SUPT3H: variants seen among roughly 807,000 people sequenced by gnomAD.
SUPT3H encodes transcription initiation protein SPT3 homolog.
A neutral mutation model predicts 44.3 loss-of-function variants in SUPT3H; 44 were observed. The ratio of observed to expected loss-of-function variants is 0.99; its 90% CI spans 0.78 to 1.28. The LOEUF (loss-of-function observed/expected upper bound fraction) is 1.28. Ranked by LOEUF, SUPT3H falls within the 50% of genes most tolerant of loss-of-function variation. The pLI is 0.00. For missense variants in SUPT3H, 380 were observed against 387.1 expected, an observed-to-expected ratio of 0.98 and a Z score of 0.15; for synonymous variants, 124 against 125.6, an observed-to-expected ratio of 0.99 and a Z score of 0.09.
At chr6:45,035,917 G>A (rs1447678929) in intron 3 of SUPT3H, among the ~76,000 whole-genome samples, 1 of 151,808 alleles carries the variant, frequency 6.6e-6, no homozygotes, top group Non-Finnish European at 1.5e-5. Context: ...AAAAAAAGAG[G>A]TGAAAAAACT....
At chr6:44,996,489 T>C (rs1345065060) in intron 6 of SUPT3H, among the ~76,000 whole-genome samples, 1 of 151,892 alleles carries the variant, frequency 6.6e-6, no homozygotes, top group East Asian at 1.9e-4. Flanking sequence ...TCACTTCCTT[T>C]GTGATTTTTT....
At chr6:45,076,689 T>TA (rs1444486604) in intron 3 of SUPT3H, among the ~76,000 whole-genome samples, 2 of 152,198 alleles carry the variant, frequency 1.3e-5, no homozygotes, top group Admixed American at 6.5e-5. Flanking sequence ...CTTTAATCAT[T>TA]AGCCCCCTTT....
intron 10 of SUPT3H, among the ~76,000 whole-genome samples, chr6:44,931,630 AG>A (rs1444452963): frequency 6.6e-6 from 1 of 152,154 alleles, no homozygotes; most frequent in Non-Finnish European, 1.5e-5. Context: ...AAATATTAAA[AG>A]TGCAAAGTTT....
chr6:44,852,207 T>C (rs867934647), intron 10 of SUPT3H, among the ~76,000 whole-genome samples: 2 of 152,212 alleles, frequency 1.3e-5, no homozygotes, highest in South Asian at 2.1e-4. Context: ...AATGGGCACC[T>C]GAGGAAAAGT....
At chr6:45,310,408 T>A (rs1783753481) in intron 2 of SUPT3H, among the ~76,000 whole-genome samples, 1 of 152,004 alleles carries the variant, frequency 6.6e-6, no homozygotes, top group Admixed American at 6.6e-5. Flanking sequence ...CCACTGCTGA[T>A]CCCTCTCCAC....
At chr6:45,269,388 G>A (rs1775758719) in intron 2 of SUPT3H, among the ~76,000 whole-genome samples, 1 of 152,168 alleles carries the variant, frequency 6.6e-6, no homozygotes, top group Admixed American at 6.5e-5. Context: ...AAACGCTAAA[G>A]AAACAATTAC....
chr6:44,811,962 A>C (rs544243171), intron 11 of SUPT3H, among the ~76,000 whole-genome samples: 4 of 151,682 alleles, frequency 2.6e-5, no homozygotes, highest in Admixed American at 2.0e-4. Context: ...TCCTCATCCC[A>C]TAGTACACAG....
intron 3 of SUPT3H, among the ~76,000 whole-genome samples, chr6:45,090,149 C>T (rs1796957965): frequency 6.6e-6 from 1 of 152,094 alleles, no homozygotes; most frequent in Non-Finnish European, 1.5e-5. Flanking sequence ...TTCCTGACAA[C>T]ATCATTCACA....
At position 44,925,722 on chromosome 6, in the gene SUPT3H, A is replaced by G. The variant is rs142778091; in HGVS notation, c.912+6931T>C. ...TCCCTGTGACATAAGAGAACACTAGACTACCCCTCAGAGTTATTTTCTCTG... is the reference window on the plus strand; with the variant it reads ...TCCCTGTGACATAAGAGAACACTAGGCTACCCCTCAGAGTTATTTTCTCTG... On this transcript the variant is annotated intron_variant, in intron 10 of 10. Coordinates refer to ENST00000371459, the MANE Select transcript of SUPT3H (RefSeq NM_003599.4). 6.0e-4 allele frequency among the ~76,000 whole-genome samples: 91 copies of G among 152,222 alleles called. 1 individual carries two copies. Among genetic ancestry groups the G allele is most frequent in the African/African-American group, 1.8e-3 (75 of 41,548 alleles).
intron 3 of SUPT3H, among the ~76,000 whole-genome samples, chr6:45,068,191 T>C (rs1793728799): frequency 6.7e-6 from 1 of 149,958 alleles, no homozygotes; most frequent in Admixed American, 6.6e-5. Context: ...GAAATCATCA[T>C]TCTCAGTAAA....
chr6:45,185,881 A>G (rs1243262052), intron 2 of SUPT3H, among the ~76,000 whole-genome samples: 1 of 152,264 alleles, frequency 6.6e-6, no homozygotes, highest in Non-Finnish European at 1.5e-5. Flanking sequence ...CATCAGGATC[A>G]GCAAAGCCCA....
At chr6:44,843,092 G>A (rs1234762770) in intron 10 of SUPT3H, among the ~76,000 whole-genome samples, 2 of 152,040 alleles carry the variant, frequency 1.3e-5, no homozygotes, top group Non-Finnish European at 2.9e-5. Context: ...CAGGACACAT[G>A]CAATTCAGTG....
intron 10 of SUPT3H, among the ~76,000 whole-genome samples, chr6:44,877,943 C>T (rs73438898): frequency 6.6e-6 from 1 of 152,066 alleles, no homozygotes; most frequent in Non-Finnish European, 1.5e-5. Context: ...GGAACCTGAT[C>T]CTGTTTGTAA....
In SUPT3H at chr6:45,065,010, T is replaced by C. The variant is rs868247917; in HGVS notation, c.186+40912A>G. On this transcript the variant is annotated intron_variant, in intron 3 of 10. Coordinates refer to ENST00000371459, the MANE Select transcript of SUPT3H (RefSeq NM_003599.4). ...ACCCCAAAACAACAGAATATACATT[T>C]TTTTCAGCACCACACCACACCTATT... is the stretch of plus-strand genomic sequence containing the variant. Among the ~76,000 whole-genome samples, 1,177 of 150,928 alleles carry C rather than the reference T, an allele frequency of 7.8e-3. 15 individuals carry two copies. Among genetic ancestry groups the C allele is most frequent in the African/African-American group, 0.027 (1,106 of 41,076 alleles).
At chr6:45,372,847 T>G (rs972243940) in intron 1 of SUPT3H, among the ~76,000 whole-genome samples, 2 of 152,020 alleles carry the variant, frequency 1.3e-5, no homozygotes, top group African/African-American at 2.4e-5. Flanking sequence ...AGATGGAGTT[T>G]TGCTCTGTCA....
chr6:45,076,873 G>A (rs1795069870), intron 3 of SUPT3H, among the ~76,000 whole-genome samples: 1 of 152,168 alleles, frequency 6.6e-6, no homozygotes, highest in East Asian at 1.9e-4. Context: ...CACAATACTG[G>A]GTTATCAGCT....
At chr6:44,871,053 C>T (rs1405992201) in intron 10 of SUPT3H, among the ~76,000 whole-genome samples, 13 of 149,328 alleles carry the variant, frequency 8.7e-5, no homozygotes, top group African/African-American at 2.2e-4. Flanking sequence ...AACTGCAAGG[C>T]GGCAACGAGG....
intron 2 of SUPT3H, among the ~76,000 whole-genome samples, chr6:45,318,737 G>GA (rs1785065578): frequency 6.6e-6 from 1 of 151,884 alleles, no homozygotes; most frequent in African/African-American, 2.4e-5. Flanking sequence ...CCATCTTTAG[G>GA]ATTTCTCAAT....
At chr6:45,351,602 CT>C (rs1792068808) in intron 2 of SUPT3H, among the ~76,000 whole-genome samples, 1 of 152,156 alleles carries the variant, frequency 6.6e-6, no homozygotes, top group South Asian at 2.1e-4. Context: ...TCCTCCAGCT[CT>C]CTTAATTACT....
Sources: allele counts gnomAD v4.1 joint callset (sites outside exome capture counted in the v4.1 genomes callset), GRCh38; gene constraint gnomAD v4.1.1; transcripts MANE v1.5; gene names NCBI Gene and HGNC (gene_info 2026-07-23, HGNC 2026-07-21).